RARB: variants seen among roughly 807,000 people sequenced by gnomAD.
The protein encoded by RARB is retinoic acid receptor beta.
In RARB, 17 loss-of-function variants were observed where a neutral mutation model predicts 51.9. The observed-to-expected ratio is 0.33, with a 90% CI of 0.22 to 0.49. The LOEUF (loss-of-function observed/expected upper bound fraction) is 0.49, where lower values mean the gene tolerates loss of function less well. Ranked by LOEUF, RARB falls within the 20% of genes least tolerant of loss-of-function variation. RARB has a pLI of 0.99. For missense variants in RARB, 369 were observed against 550.8 expected (o/e 0.67, Z 3.30); for synonymous variants, 215 against 195.4 (o/e 1.10, Z -0.84).
intron 5 of RARB, among the ~76,000 whole-genome samples, chr3:25,247,715 G>A (rs891729974): frequency 8.5e-5 from 13 of 152,314 alleles, no homozygotes; most frequent in Non-Finnish European, 1.5e-4. Context: ...GAAATCACCC[G>A]CCTTCTGCGT....
intron 2 of RARB, among the ~76,000 whole-genome samples, chr3:25,475,916 A>G (rs1050949384): frequency 8.5e-5 from 13 of 152,210 alleles, no homozygotes; most frequent in African/African-American, 2.9e-4. Context: ...CAAAATTACA[A>G]TGGCTTCAAA....
At chr3:25,528,870 TC>T (rs1015244637) in intron 3 of RARB, among the ~76,000 whole-genome samples, 6 of 149,436 alleles carry the variant, frequency 4.0e-5, no homozygotes, top group African/African-American at 1.5e-4. Context: ...TAGGAACCCT[TC>T]TCTGGATCCG....
At chr3:24,885,695 G>C (rs144732720) in intron 2 of RARB, among the ~76,000 whole-genome samples, 51 of 152,282 alleles carry the variant, frequency 3.3e-4, no homozygotes, top group African/African-American at 1.1e-3. Context: ...AATTGGGTAA[G>C]ACAGAAAACT....
chr3:25,135,254 T>A (rs1051568281), intron 4 of RARB, among the ~76,000 whole-genome samples: 5 of 152,042 alleles, frequency 3.3e-5, no homozygotes, highest in Non-Finnish European at 4.4e-5. Context: ...TTTTATTTAA[T>A]GTTAATTAAA....
At chr3:25,135,878 A>T (rs1390322898) in intron 4 of RARB, among the ~76,000 whole-genome samples, 1 of 151,994 alleles carries the variant, frequency 6.6e-6, no homozygotes, top group African/African-American at 2.4e-5. Flanking sequence ...CATGAACAGT[A>T]TTCATAATCT....
intron 5 of RARB, among the ~76,000 whole-genome samples, chr3:25,181,262 A>G (rs1700854540): frequency 6.6e-6 from 1 of 152,104 alleles, no homozygotes; most frequent in African/African-American, 2.4e-5. Flanking sequence ...AGCTTATAAC[A>G]TTCCTTCCCA....
At chr3:25,123,829 C>T (rs1575171135) in intron 3 of RARB, among the ~76,000 whole-genome samples, 1 of 152,160 alleles carries the variant, frequency 6.6e-6, no homozygotes, top group Non-Finnish European at 1.5e-5. Flanking sequence ...TCTACTATCT[C>T]TAATGTTCTT....
At chr3:25,356,006 C>A (rs940274198) in intron 5 of RARB, among the ~76,000 whole-genome samples, 5 of 151,884 alleles carry the variant, frequency 3.3e-5, no homozygotes, top group Admixed American at 2.6e-4. Flanking sequence ...TAGAAATATT[C>A]TTTTATTTTT....
chr3:24,908,694 C>T (rs539257381), intron 2 of RARB, among the ~76,000 whole-genome samples: 23 of 99,100 alleles, frequency 2.3e-4, no homozygotes, highest in African/African-American at 7.2e-4. Flanking sequence ...TTTTTACTAA[C>T]CTACAGTTAA....
At chr3:24,961,590 G>A (rs1229962016) in intron 2 of RARB, among the ~76,000 whole-genome samples, 1 of 143,026 alleles carries the variant, frequency 7.0e-6, no homozygotes, top group Non-Finnish European at 1.5e-5. Context: ...TGTTCAGACA[G>A]ATGAATTCAG....
chr3:25,115,140 C>T (rs1405090618), intron 3 of RARB, among the ~76,000 whole-genome samples: 1 of 152,122 alleles, frequency 6.6e-6, no homozygotes, highest in Non-Finnish European at 1.5e-5. Context: ...TGATAGTCAC[C>T]ACTGAGTGCT....
At chr3:25,121,200 T>C (rs1013984219) in intron 3 of RARB, among the ~76,000 whole-genome samples, 7 of 151,892 alleles carry the variant, frequency 4.6e-5, no homozygotes, top group African/African-American at 1.7e-4. Context: ...GAGGGCAGAG[T>C]TCCCCAGGTG....
intron 2 of RARB, among the ~76,000 whole-genome samples, chr3:24,885,810 T>C (rs577847967): frequency 6.6e-6 from 1 of 152,184 alleles, no homozygotes; most frequent in Non-Finnish European, 1.5e-5. Context: ...AACCAGATGA[T>C]GTTTCAAATA....
chr3:24,881,585 T>C (rs1031692107), intron 2 of RARB, among the ~76,000 whole-genome samples: 1 of 152,120 alleles, frequency 6.6e-6, no homozygotes, highest in African/African-American at 2.4e-5. Flanking sequence ...TAATGAAAAA[T>C]AAAAACAGAT....
At position 25,069,379 on chromosome 3, in the gene RARB, A is replaced by G. The variant is rs549653909; in HGVS notation, c.-328+9203A>G. Among the ~76,000 whole-genome samples the G allele has an allele frequency of 8.5e-5, 13 of 152,352 alleles. No homozygotes were observed. In the South Asian group the frequency reaches 2.7e-3, roughly 32 times the overall value. On this transcript the variant is annotated intron_variant, in intron 3 of 11. Transcript: ENST00000383772. The stretch of plus-strand genomic sequence containing the variant: ...TCAGTTCCCTGGTGACACAGAAAGT[A>G]AACCTTCTCTAAGGGCTTTCCCAGA...
intron 5 of RARB, among the ~76,000 whole-genome samples, chr3:25,397,562 C>G (rs937170590): frequency 6.6e-6 from 1 of 152,196 alleles, no homozygotes. Flanking sequence ...TCCTAGCCAA[C>G]ATTTTTGAAA....
At chr3:25,450,082 G>A (rs368764111) in intron 1 of RARB, among the ~76,000 whole-genome samples, 1 of 152,112 alleles carries the variant, frequency 6.6e-6, no homozygotes, top group Non-Finnish European at 1.5e-5. Context: ...TCACTCTGGG[G>A]ATCAGATGTA....
chr3:24,949,015 A>G (rs1031426644), intron 2 of RARB, among the ~76,000 whole-genome samples: 1 of 152,202 alleles, frequency 6.6e-6, no homozygotes, highest in African/African-American at 2.4e-5. Flanking sequence ...GAACCATTAC[A>G]GTAGCTGTCT....
chr3:25,184,129 G>A (rs953624665), intron 5 of RARB, among the ~76,000 whole-genome samples: 1 of 138,796 alleles, frequency 7.2e-6, no homozygotes, highest in African/African-American at 2.8e-5. Context: ...CAAATACAGA[G>A]TTTGTTGTTT....
Sources: allele counts gnomAD v4.1 joint callset (sites outside exome capture counted in the v4.1 genomes callset), GRCh38; gene constraint gnomAD v4.1.1; transcripts MANE v1.5; gene names NCBI Gene and HGNC (gene_info 2026-07-23, HGNC 2026-07-21).